Variants in COQ2 observed in about 807,000 individuals in gnomAD.
The protein encoded by COQ2 is 4-hydroxybenzoate polyprenyltransferase, mitochondrial.
In COQ2, 25 loss-of-function variants were observed where a neutral mutation model predicts 35.7. The ratio of observed to expected loss-of-function variants is 0.70; its 90% CI spans 0.51 to 0.98. The LOEUF (loss-of-function observed/expected upper bound fraction) is 0.98. COQ2 is among the 50% of genes least tolerant of loss of function. The pLI, the probability that COQ2 is intolerant of heterozygous loss-of-function variation, is 0.00. For synonymous variants in COQ2, 206 were observed against 186.2 expected (o/e 1.11, Z -0.86); for missense variants, 488 against 473.5 (o/e 1.03, Z -0.28).
At chr4:83,278,812 T>C (rs1735242610) in intron 2 of COQ2, 136 bp downstream of exon 2, 6 of 1,008,970 alleles carry the variant, frequency 5.9e-6, no homozygotes, top group East Asian at 3.0e-5. Context: ...ATTCAACTGA[T>C]CCTGGCATTT....
Position 83,269,859 on chromosome 4 carries a change from C to A in COQ2, c.762+1G>T, listed in dbSNP as rs767624218. 5 of 1,562,564 alleles carry A rather than the reference C, an allele frequency of 3.2e-6. No homozygotes were observed. Among genetic ancestry groups the A allele is most frequent in the Non-Finnish European group, 2.6e-6 (3 of 1,157,376 alleles). ...AAGTTAAGAAAAGATAATTTCTTTA[C>A]CTGATGGGCATAAATAGTATCATAT... is the stretch of plus-strand genomic sequence containing the variant. On this transcript the variant is annotated splice_donor_variant, in intron 5 of 6. Coordinates refer to ENST00000647002, the MANE Select transcript of COQ2 (RefSeq NM_001358921.2). LOFTEE classifies it high-confidence loss of function.
intron 4 of COQ2, among the ~76,000 whole-genome samples, chr4:83,270,199 G>T (rs1735013943): frequency 6.6e-6 from 1 of 151,804 alleles, no homozygotes; most frequent in South Asian, 2.1e-4. Flanking sequence ...GCTCAGAGAG[G>T]TTAATTAACA....
chr4:83,278,953 T>C lies in COQ2; in HGVS notation c.415A>G (p.Lys139Glu). The C allele has an allele frequency of 1.3e-6, 2 of 1,581,360 alleles. No individual in the cohort carries two copies. Among genetic ancestry groups the C allele is most frequent in the South Asian group, 2.4e-5 (2 of 84,176 alleles). Residue 139 changes from lysine (K) to glutamate (E), a missense_variant, in exon 2 of 7, where the codon AAA becomes GAA. Transcript: ENST00000647002. ...CCTTTTCAGGATGAAATTACCTTTT[T>C]ATCATAGTCCTGGTCCCACATGTCA... ...INDMWDQDYDKKVTRTANRPI... is the reference protein window; with the variant it reads ...INDMWDQDYDEKVTRTANRPI...
intron 2 of COQ2, among the ~76,000 whole-genome samples, chr4:83,277,698 G>A (rs1055789505): frequency 2.6e-5 from 4 of 152,260 alleles, no homozygotes; most frequent in African/African-American, 4.8e-5. Flanking sequence ...GGCCAGGCGC[G>A]GTGGCTCATG....
intron 1 of COQ2, 96 bp from the exon 2 acceptor site, chr4:83,279,210 T>G: frequency 7.3e-7 from 1 of 1,360,672 alleles, no homozygotes; most frequent in Admixed American, 3.6e-5. Flanking sequence ...TAAAGAACAC[T>G]ATAAGTCAAA....
At chr4:83,279,871 T>TC (rs1735276726) in intron 1 of COQ2, among the ~76,000 whole-genome samples, 1 of 149,656 alleles carries the variant, frequency 6.7e-6, no homozygotes. Flanking sequence ...TTTTTTTTTT[T>TC]TTTTTTTGAG....
chr4:83,264,394 T>C (rs1191750448), intron 6 of COQ2, 31 bp from the exon 7 acceptor site: 2 of 1,568,126 alleles, frequency 1.3e-6, no homozygotes, highest in South Asian at 1.2e-5. Context: ...GTTGTATTAA[T>C]ACCTAGTCTG....
At chr4:83,278,574 A>C (rs572303135) in intron 2 of COQ2, among the ~76,000 whole-genome samples, 1 of 152,274 alleles carries the variant, frequency 6.6e-6, no homozygotes, top group African/African-American at 2.4e-5. Flanking sequence ...GATTTACGTA[A>C]GAATAGTTAG....
intron 5 of COQ2, 50 bp from the exon 6 acceptor site, chr4:83,267,824 C>T: frequency 1.4e-6 from 2 of 1,417,904 alleles, no homozygotes; most frequent in Non-Finnish European, 1.9e-6. Flanking sequence ...AGTTCACACA[C>T]CATAAAATTC....
chr4:83,271,055 T>C (rs893395048), intron 4 of COQ2, among the ~76,000 whole-genome samples: 1 of 152,178 alleles, frequency 6.6e-6, no homozygotes, highest in Non-Finnish European at 1.5e-5. Flanking sequence ...GTTCTTTCAT[T>C]TACTGAAAAA....
Position 83,284,533 on chromosome 4 carries a change from T to A in COQ2, c.232A>T (p.Met78Leu). Residue 78 changes from methionine to leucine, a missense_variant, in exon 1 of 7, where the codon ATG (methionine) becomes TTG (leucine). By Grantham distance (15) the Met-to-Leu change is conservative. Transcript: ENST00000647002. The part of the protein sequence containing the change: ...PRPLQPYLRL[M>L]RLDKPIGTWL... ...TCACCAATGGGCTTGTCCAACCGCA[T>A]GAGGCGCAAGTACGGCTGCAGGGGG... 6.3e-7 allele frequency: 1 copy of A among 1,576,498 alleles called. No individual in the cohort carries two copies. The highest frequency in any genetic ancestry group is 8.6e-7 in the Non-Finnish European group (1 of 1,162,948).
At chr4:83,277,758 T>A (rs1040294209) in intron 2 of COQ2, among the ~76,000 whole-genome samples, 5 of 152,068 alleles carry the variant, frequency 3.3e-5, no homozygotes, top group African/African-American at 1.2e-4. Context: ...TCACCTGAAG[T>A]CGGGAGTTCG....
At chr4:83,270,849 T>C (rs1356510897) in intron 4 of COQ2, among the ~76,000 whole-genome samples, 1 of 152,160 alleles carries the variant, frequency 6.6e-6, no homozygotes, top group Non-Finnish European at 1.5e-5. Flanking sequence ...GAAGTAAATG[T>C]AGGGGTTCAG....
rs570781044 is a variant in COQ2, at chr4:83,264,179, T to C, written c.*20A>G. 19 of 1,130,008 alleles carry C rather than the reference T, an allele frequency of 1.7e-5. No homozygotes were observed. The African/African-American group carries it at 2.6e-4, about 16-fold the overall frequency. 70.0% of individuals were successfully genotyped at this position (1,130,008 alleles called of 1,614,324 possible). A position where few individuals can be genotyped will look rare whatever the true frequency, so the allele number is the denominator to read the frequency against. ...ATTTTGTAAAAAATGTTTTAAAAAT[T>C]CCTAGATAAATTTCATTCATTAATT... On this transcript the variant is annotated 3_prime_UTR_variant, in exon 7 of 7. Transcript: ENST00000647002.
rs1735428387 is a variant in COQ2 at position 83,284,772 on chromosome 4, G to C, written c.-8C>G. ...GGCTCGCGAGCCCAGCATGGCGCTG[G>C]TGAGGCCGGGACGAGCTCGGATTGA... On this transcript the variant is annotated 5_prime_UTR_variant, in exon 1 of 7. Transcript: ENST00000647002. 4 of 1,558,584 alleles carry C rather than the reference G, an allele frequency of 2.6e-6. No homozygotes were observed. The highest frequency in any genetic ancestry group is 2.4e-5 in the East Asian group (1 of 41,414).
rs750604213 is a variant in COQ2, at chr4:83,284,768, G to T, written c.-4C>A. On this transcript the variant is annotated 5_prime_UTR_variant, in exon 1 of 7. Transcript: ENST00000647002. ...CCGCGGCTCGCGAGCCCAGCATGGCGCTGGTGAGGCCGGGACGAGCTCGGA... is the reference window on the plus strand; with the variant it reads ...CCGCGGCTCGCGAGCCCAGCATGGCTCTGGTGAGGCCGGGACGAGCTCGGA... 11 of 1,556,230 alleles carry T rather than the reference G, an allele frequency of 7.1e-6. No individual in the cohort carries two copies. In the East Asian group the frequency reaches 1.9e-4, roughly 27 times the overall value.
At chr4:83,278,908 T>G (rs767419494) in intron 2 of COQ2, 40 bp downstream of exon 2, 1 of 1,518,924 alleles carries the variant, frequency 6.6e-7, no homozygotes, top group Admixed American at 2.3e-5. Context: ...TTCTGCAGAA[T>G]TGAGAAGAGC....
In COQ2 at chr4:83,271,994, T is replaced by G. The variant is rs1205022943; in HGVS notation, c.628+93A>C. The G allele has an allele frequency of 3.7e-6, 3 of 810,622 alleles. No homozygotes were observed. The East Asian group carries it at 9.0e-5, about 24-fold the overall frequency. 50.2% of individuals were successfully genotyped at this position (810,622 alleles called of 1,614,324 possible). On this transcript the variant is annotated intron_variant, in intron 4 of 6. Coordinates refer to ENST00000647002, the MANE Select transcript of COQ2 (RefSeq NM_001358921.2). ...TTGGTTAGGAAAATTACATGACTGA[T>G]TTGTCATTTCATCTTTACCTATTTA...
intron 5 of COQ2, 133 bp from the exon 6 acceptor site, chr4:83,267,907 T>C (rs1734962285): frequency 1.5e-6 from 1 of 684,596 alleles, no homozygotes; most frequent in African/African-American, 1.8e-5. Context: ...CACTAACTAC[T>C]TTCAGAAGAA....
Sources: allele counts gnomAD v4.1 joint callset (sites outside exome capture counted in the v4.1 genomes callset), GRCh38; gene constraint gnomAD v4.1.1; transcripts MANE v1.5; gene names NCBI Gene and HGNC (gene_info 2026-07-23, HGNC 2026-07-21).